UGT1A8: variants seen among roughly 807,000 people sequenced by gnomAD.
UGT1A8 encodes the protein UDP glucuronosyltransferase family 1 member A8.
A neutral mutation model predicts 45.3 loss-of-function variants in UGT1A8; 39 were observed. The observed-to-expected ratio is 0.86, with a 90% CI of 0.67 to 1.12. The LOEUF (loss-of-function observed/expected upper bound fraction) is 1.12. Among genes scored for constraint, UGT1A8 ranks in the 50% most tolerant of loss-of-function variants. UGT1A8 has a pLI of 0.00. For missense variants in UGT1A8, 719 were observed against 664.9 expected (o/e 1.08, Z -0.90); for synonymous variants, 275 against 249.2 (o/e 1.10, Z -0.97).
At chr2:233,660,960 TC>T (rs1281059785) in intron 1 of UGT1A8, among the ~76,000 whole-genome samples, 4 of 152,158 alleles carry the variant, frequency 2.6e-5, no homozygotes, top group Admixed American at 2.0e-4. Context: ...CAGCTTTATA[TC>T]CTTCAGTTTT....
chr2:233,694,994 A>G (rs1243890863), intron 1 of UGT1A8, among the ~76,000 whole-genome samples: 2 of 152,138 alleles, frequency 1.3e-5, no homozygotes, highest in South Asian at 2.1e-4. Context: ...GAACATTCCC[A>G]TTCTTCATTT....
At position 233,769,954 on chromosome 2, in the gene UGT1A8, T is replaced by G. The variant is rs1348335811; in HGVS notation, c.1295+1515T>G. 3 of 220,032 alleles carry G rather than the reference T, an allele frequency of 1.4e-5. No individual in the cohort carries two copies. The highest frequency in any genetic ancestry group is 2.3e-5 in the African/African-American group (1 of 44,160). The allele number at this position is 220,032 out of a possible 1,614,324, so 13.6% of individuals were successfully genotyped here. Reference sequence around the variant, plus strand: ...CCCATTCCTTCCTTCCAGCGGCTTCTTCTGGCCACCTCAATGTCAGGATGT... The same window carrying G: ...CCCATTCCTTCCTTCCAGCGGCTTCGTCTGGCCACCTCAATGTCAGGATGT... On this transcript the variant is annotated intron_variant, in intron 4 of 4. Coordinates refer to ENST00000373450, the MANE Select transcript of UGT1A8 (RefSeq NM_019076.5). This position sits in a 1 kb window ranked among gnomAD's most constrained non-coding sequence, Gnocchi z 4.4.
intron 1 of UGT1A8, chr2:233,636,803 C>T (rs1198943277): frequency 1.9e-6 from 3 of 1,614,176 alleles, no homozygotes; most frequent in Non-Finnish European, 1.7e-6. Context: ...ATGGTTTTCG[C>T]CCATGCTCAA....
rs1218307967 is a variant in UGT1A8 at position 233,768,238 on chromosome 2, C to G, written c.1094C>G (p.Ala365Gly). 1.2e-6 allele frequency: 2 copies of G among 1,614,074 alleles called. No homozygotes were observed. The highest frequency in any genetic ancestry group is 1.6e-4 in the Middle Eastern group (1 of 6,084). The change falls in exon 4 of 5, where the codon GCC becomes GGC. Residue 365 changes from alanine (A) to glycine (G), a missense_variant. Coordinates refer to ENST00000373450, the MANE Select transcript of UGT1A8 (RefSeq NM_019076.5). ...NDLLGHPMTR[A>G]FITHAGSHGV... Reference sequence around the variant, plus strand: ...ATCTCAGGTCACCCGATGACCCGTGCCTTTATCACCCATGCTGGTTCCCAT... The same window carrying G: ...ATCTCAGGTCACCCGATGACCCGTGGCTTTATCACCCATGCTGGTTCCCAT...
intron 1 of UGT1A8, chr2:233,722,014 C>G (rs2076986422): frequency 3.9e-6 from 1 of 254,156 alleles, no homozygotes; most frequent in Non-Finnish European, 7.9e-6. Context: ...AACAGGAAAA[C>G]TGAAACCTCT....
intron 1 of UGT1A8, chr2:233,719,515 C>G (rs764297894): frequency 6.2e-7 from 1 of 1,613,842 alleles, no homozygotes; most frequent in Non-Finnish European, 8.5e-7. Context: ...GCCCCTTATG[C>G]AAGTCTTGCC....
chr2:233,625,575 A>T (rs1337305288), intron 1 of UGT1A8, among the ~76,000 whole-genome samples: 1 of 151,910 alleles, frequency 6.6e-6, no homozygotes, highest in Non-Finnish European at 1.5e-5. Flanking sequence ...GATGAAGAAA[A>T]TGTGGTACAT....
rs1162609742 is a variant in UGT1A8 at position 233,768,299 on chromosome 2, G to A, written c.1155G>A (p.Met385Ile). ...AAAGCATATGCAATGGCGTTCCCAT[G>A]GTGATGATGCCCTTGTTTGGTGATC... ...VYESICNGVP[M>I]VMMPLFGDQM... Residue 385 changes from methionine to isoleucine, a missense_variant, in exon 4 of 5, where the codon ATG becomes ATA. Coordinates refer to ENST00000373450, the MANE Select transcript of UGT1A8 (RefSeq NM_019076.5). The A allele has an allele frequency of 2.5e-6, 4 of 1,614,176 alleles. No individual in the cohort carries two copies. The highest frequency in any genetic ancestry group is 2.7e-5 in the African/African-American group (2 of 75,038).
intron 1 of UGT1A8, chr2:233,729,328 C>T (rs765145094): frequency 7.4e-6 from 12 of 1,614,122 alleles, no homozygotes; most frequent in South Asian, 2.2e-5. Context: ...GGTGAATATG[C>T]ACATCAAAGA....
intron 1 of UGT1A8, chr2:233,682,132 A>G (rs370145562): frequency 2.6e-5 from 42 of 1,614,106 alleles, no homozygotes; most frequent in Non-Finnish European, 3.2e-5. Flanking sequence ...TGAGTTGGCA[A>G]CTGGGAAGAT....
chr2:233,718,763 A>G (rs2076681520), intron 1 of UGT1A8: 3 of 1,612,572 alleles, frequency 1.9e-6, no homozygotes, highest in Non-Finnish European at 1.7e-6. Flanking sequence ...GGCGAAGGAA[A>G]CAAATGTAGC....
chr2:233,695,874 AG>A (rs2075311713), intron 1 of UGT1A8, among the ~76,000 whole-genome samples: 1 of 152,216 alleles, frequency 6.6e-6, no homozygotes, highest in Admixed American at 6.5e-5. Flanking sequence ...CAAACAACGC[AG>A]AAAACTTCAG....
intron 1 of UGT1A8, among the ~76,000 whole-genome samples, chr2:233,765,369 A>G (rs139848699): frequency 2.0e-4 from 30 of 152,382 alleles, no homozygotes; most frequent in African/African-American, 7.0e-4. Flanking sequence ...ATGCCCATCA[A>G]TGGTAGATTG....
intron 1 of UGT1A8, chr2:233,690,465 T>C: frequency 1.6e-6 from 2 of 1,289,152 alleles, no homozygotes; most frequent in African/African-American, 3.0e-5. Context: ...CCAGCTATCC[T>C]CCATTTACTT....
At chr2:233,665,520 G>C (rs968439582) in intron 1 of UGT1A8, among the ~76,000 whole-genome samples, 1 of 152,186 alleles carries the variant, frequency 6.6e-6, no homozygotes, top group African/African-American at 2.4e-5. Context: ...AGAAGCAATA[G>C]GAATGAGGGT....
At chr2:233,755,174 G>A (rs868590389) in intron 1 of UGT1A8, 74 of 1,248,738 alleles carry the variant, frequency 5.9e-5, no homozygotes, top group Non-Finnish European at 7.6e-5. Flanking sequence ...GGTTTTTGTC[G>A]GGGTGCCACT....
chr2:233,743,388 G>A (rs1692276435), intron 1 of UGT1A8: 2 of 1,234,066 alleles, frequency 1.6e-6, no homozygotes, highest in Non-Finnish European at 2.2e-6. Flanking sequence ...CGTAGGACAT[G>A]CAGAAGGAAG....
intron 1 of UGT1A8, among the ~76,000 whole-genome samples, chr2:233,634,021 T>C (rs944721016): frequency 1.3e-5 from 2 of 152,238 alleles, no homozygotes; most frequent in African/African-American, 4.8e-5. Flanking sequence ...TTTGTTCTCA[T>C]TGGTTTCAAA....
In UGT1A8 at chr2:233,724,875, G is replaced by T. The variant is rs4622712; in HGVS notation, c.856-42159G>T. Among the ~76,000 whole-genome samples, 5 of 115,660 alleles carry T rather than the reference G, an allele frequency of 4.3e-5. 1 individual carries two copies. The highest frequency in any genetic ancestry group is 3.3e-4 in the South Asian group (1 of 3,000). The allele number at this position is 115,660 out of a possible 152,430, so 75.9% of individuals were successfully genotyped here. The stretch of plus-strand genomic sequence containing the variant: ...CTGGGAGGTGTAGGTTGTAGTGAGC[G>T]GAGATCACGCCACTGCACTCCAGCC... On this transcript the variant is annotated intron_variant, in intron 1 of 4. Coordinates refer to ENST00000373450, the MANE Select transcript of UGT1A8 (RefSeq NM_019076.5).
Sources: gnomAD v4.1 joint callset for allele counts (sites outside exome capture counted in the v4.1 genomes callset) on GRCh38, gnomAD v4.1.1 for gene constraint, Gnocchi (gnomAD v3.1) non-coding constraint, MANE v1.5 for transcripts, NCBI Gene and HGNC (gene_info 2026-07-23, HGNC 2026-07-21) for gene names.